CDYL: variants seen among roughly 807,000 people sequenced by gnomAD.
CDYL encodes chromodomain Y like.
In CDYL, 8 loss-of-function variants were observed where a neutral mutation model predicts 47.3. That is an observed-to-expected ratio of 0.17 (90% CI 0.10 to 0.31). The LOEUF (loss-of-function observed/expected upper bound fraction) is 0.31, where lower values mean the gene tolerates loss of function less well. CDYL is among the 10% of genes least tolerant of loss of function. CDYL has a pLI of 1.00. For synonymous variants in CDYL, 266 were observed against 265.0 expected (o/e 1.00, Z -0.04); for missense variants, 471 against 701.4 (o/e 0.67, Z 3.71).
At chr6:4,815,810 C>T (rs1759658560) in intron 1 of CDYL, among the ~76,000 whole-genome samples, 1 of 151,006 alleles carries the variant, frequency 6.6e-6, no homozygotes, top group Non-Finnish European at 1.5e-5. Flanking sequence ...TAATTTACTG[C>T]CTGTTTTGGC....
At chr6:4,707,929 T>G (rs1045227288) in intron 1 of CDYL, among the ~76,000 whole-genome samples, 1 of 150,884 alleles carries the variant, frequency 6.6e-6, no homozygotes, top group African/African-American at 2.5e-5. Context: ...CAAATGTTAT[T>G]TAATAGTGTG....
chr6:4,886,032 G>A (rs540306980), intron 1 of CDYL, among the ~76,000 whole-genome samples: 16 of 152,150 alleles, frequency 1.1e-4, no homozygotes, highest in Middle Eastern at 3.4e-3. Context: ...TTTACATAGC[G>A]TAAGGTTTTT....
intron 1 of CDYL, chr6:4,890,213 A>T: frequency 2.1e-6 from 2 of 952,450 alleles, no homozygotes; most frequent in Non-Finnish European, 2.5e-6. Context: ...TAAAACTCTT[A>T]AACTATTTCT....
At chr6:4,943,827 A>G (rs1758434066) in intron 5 of CDYL, 71 bp downstream of exon 5, 4 of 1,199,742 alleles carry the variant, frequency 3.3e-6, no homozygotes, top group Non-Finnish European at 4.7e-6. Context: ...TAGTTTGGTT[A>G]TTGTTTTTCT....
chr6:4,724,998 T>A (rs1258628860), intron 2 of CDYL: 1 of 152,104 alleles, frequency 6.6e-6, no homozygotes, highest in Non-Finnish European at 1.5e-5. Context: ...AGCTGATTGG[T>A]CCGTTTTGAC....
intron 1 of CDYL, among the ~76,000 whole-genome samples, chr6:4,880,424 TCCATTTA>T (rs1447931184): frequency 6.6e-6 from 1 of 152,212 alleles, no homozygotes; most frequent in Non-Finnish European, 1.5e-5. Flanking sequence ...TACTTACCTA[TCCATTTA>T]CCTACTGAAC....
chr6:4,900,459 T>C (rs1442327113), intron 2 of CDYL, among the ~76,000 whole-genome samples: 1 of 152,096 alleles, frequency 6.6e-6, no homozygotes, highest in Non-Finnish European at 1.5e-5. Context: ...CATACACATA[T>C]GCATATACAT....
intron 2 of CDYL, among the ~76,000 whole-genome samples, chr6:4,723,881 G>A (rs978275369): frequency 2.6e-5 from 4 of 152,236 alleles, no homozygotes; most frequent in African/African-American, 4.8e-5. Context: ...GGTCCCTGCA[G>A]AATTAAATCA....
intron 3 of CDYL, among the ~76,000 whole-genome samples, chr6:4,736,470 C>A (rs1023070699): frequency 6.6e-6 from 1 of 152,144 alleles, no homozygotes; most frequent in South Asian, 2.1e-4. Flanking sequence ...ACAAAGAACC[C>A]TTGCACTAGA....
At chr6:4,899,020 G>T (rs754502591) in intron 2 of CDYL, among the ~76,000 whole-genome samples, 1 of 152,066 alleles carries the variant, frequency 6.6e-6, no homozygotes, top group African/African-American at 2.4e-5. Context: ...CAAAACTTAG[G>T]TGTACTTAGA....
intron 3 of CDYL, among the ~76,000 whole-genome samples, chr6:4,751,182 G>C (rs895215242): frequency 6.6e-6 from 1 of 152,152 alleles, no homozygotes; most frequent in African/African-American, 2.4e-5. Context: ...GGTTTAATGA[G>C]AGTAGCCTAG....
chr6:4,789,273 G>A (rs542953371), intron 1 of CDYL, among the ~76,000 whole-genome samples: 3 of 151,910 alleles, frequency 2.0e-5, no homozygotes, highest in East Asian at 1.9e-4. Flanking sequence ...ACGGGGTTTC[G>A]CCATGTTGGC....
intron 1 of CDYL, among the ~76,000 whole-genome samples, chr6:4,867,745 G>T (rs1467403250): frequency 6.7e-6 from 1 of 150,052 alleles, no homozygotes; most frequent in Non-Finnish European, 1.5e-5. Flanking sequence ...TGTTTATGAG[G>T]AATATTGTTT....
At chr6:4,750,471 G>T (rs1757970373) in intron 3 of CDYL, among the ~76,000 whole-genome samples, 1 of 152,088 alleles carries the variant, frequency 6.6e-6, no homozygotes, top group Non-Finnish European at 1.5e-5. Flanking sequence ...CAAAGTGCTG[G>T]GATTATAGGC....
intron 2 of CDYL, among the ~76,000 whole-genome samples, chr6:4,730,837 C>A (rs1757592839): frequency 6.6e-6 from 1 of 152,150 alleles, no homozygotes; most frequent in Non-Finnish European, 1.5e-5. Flanking sequence ...CAATTCCATG[C>A]CTCACTCACC....
intron 1 of CDYL, among the ~76,000 whole-genome samples, chr6:4,874,625 A>G (rs1761569398): frequency 6.6e-6 from 1 of 152,224 alleles, no homozygotes; most frequent in Non-Finnish European, 1.5e-5. Context: ...TCTTAAGTGT[A>G]TAGTTGGTGA....
At chr6:4,737,363 T>C (rs571249331) in intron 3 of CDYL, among the ~76,000 whole-genome samples, 176 of 2,648 alleles carry the variant, frequency 0.066, 2 homozygotes, top group African/African-American at 0.12. Flanking sequence ...GCAACAAAAA[T>C]TAAAAGGGGC....
intron 2 of CDYL, among the ~76,000 whole-genome samples, chr6:4,899,127 T>C (rs1198528857): frequency 2.6e-5 from 4 of 152,248 alleles, no homozygotes; most frequent in Non-Finnish European, 5.9e-5. Flanking sequence ...AATCATTCAA[T>C]GTAGTTTTCT....
chr6:4,950,801 G>A (rs1227143128), intron 5 of CDYL, among the ~76,000 whole-genome samples: 1 of 152,020 alleles, frequency 6.6e-6, no homozygotes, highest in Non-Finnish European at 1.5e-5. Flanking sequence ...GCGTGGTGGC[G>A]GGCGCCTGTA....
Sources: allele counts gnomAD v4.1 joint callset (sites outside exome capture counted in the v4.1 genomes callset), GRCh38; gene constraint gnomAD v4.1.1; transcripts MANE v1.5; gene names NCBI Gene and HGNC (gene_info 2026-07-23, HGNC 2026-07-21).